ZNF407: variants seen among roughly 807,000 people sequenced by gnomAD.
ZNF407 encodes the protein zinc finger protein 407.
Under a neutral mutation model 131.2 loss-of-function variants are expected in ZNF407, and 17 were observed. The ratio of observed to expected loss-of-function variants is 0.13; its 90% CI spans 0.09 to 0.19. The LOEUF (loss-of-function observed/expected upper bound fraction) is 0.19. ZNF407 is among the 10% of genes least tolerant of loss of function. The pLI is 1.00. For synonymous variants in ZNF407, 1,156 were observed against 1,062.0 expected, an observed-to-expected ratio of 1.09 and a Z score of -1.72; for missense variants, 2,681 against 2,830.6, an observed-to-expected ratio of 0.95 and a Z score of 1.20.
intron 7 of ZNF407, among the ~76,000 whole-genome samples, chr18:74,891,028 G>A (rs748232198): frequency 1.3e-5 from 2 of 152,310 alleles, no homozygotes; most frequent in African/African-American, 4.8e-5. Context: ...TGGCGGCAGC[G>A]AAGCCTTCGT....
At chr18:74,929,169 A>G (rs977758147) in intron 8 of ZNF407, among the ~76,000 whole-genome samples, 1 of 152,140 alleles carries the variant, frequency 6.6e-6, no homozygotes, top group South Asian at 2.1e-4. Context: ...ACTTTTTTCC[A>G]GAAAAAAACT....
In ZNF407 at chr18:74,611,242, AT is replaced by A. The variant is rs1273724501; in HGVS notation, c.-54+13306del. Reference sequence around the variant, plus strand: ...GGTATAGGAAAGGGGTCTTAAAAAGATCACAGAGGGTGCAGACCATAAAGGA... The same window carrying A: ...GGTATAGGAAAGGGGTCTTAAAAAGACACAGAGGGTGCAGACCATAAAGGA... On this transcript the variant is annotated intron_variant, in intron 1 of 8. Transcript: ENST00000299687. Among the ~76,000 whole-genome samples, 5 of 152,258 alleles carry A rather than the reference AT, an allele frequency of 3.3e-5. No homozygotes were observed. In the East Asian group the frequency reaches 9.6e-4, roughly 29 times the overall value.
intron 8 of ZNF407, among the ~76,000 whole-genome samples, chr18:75,014,874 A>G (rs992081575): frequency 6.6e-6 from 1 of 152,140 alleles, no homozygotes; most frequent in Non-Finnish European, 1.5e-5. Context: ...CAACAATAAT[A>G]GCTATTCCAT....
Position 74,951,398 on chromosome 18 carries a change from A to G in ZNF407, c.5428+30706A>G, listed in dbSNP as rs112232558. Among the ~76,000 whole-genome samples the G allele has an allele frequency of 1.4e-3, 214 of 152,234 alleles. 2 individuals carry two copies. The highest frequency in any genetic ancestry group is 4.9e-3 in the African/African-American group (203 of 41,532). On this transcript the variant is annotated intron_variant, in intron 8 of 8. Coordinates refer to ENST00000299687, the MANE Select transcript of ZNF407 (RefSeq NM_017757.3). ...TTAAGTCAACATTGTCCCTCTGTTG[A>G]TTTGCCTAAACTGTTTTGCACAGAG...
chr18:74,854,718 G>GACAC (rs1970834986), intron 4 of ZNF407, among the ~76,000 whole-genome samples: 1 of 151,542 alleles, frequency 6.6e-6, no homozygotes, highest in South Asian at 2.1e-4. Context: ...GCACTACACA[G>GACAC]ACACACACAC....
intron 1 of ZNF407, among the ~76,000 whole-genome samples, chr18:74,620,728 C>T (rs1177790004): frequency 1.5e-4 from 23 of 152,130 alleles, no homozygotes; most frequent in African/African-American, 5.6e-4. Flanking sequence ...GGAGGTGGGA[C>T]TTGCTCAGGT....
chr18:74,789,365 G>GT (rs1447349838), intron 4 of ZNF407, among the ~76,000 whole-genome samples: 1 of 152,142 alleles, frequency 6.6e-6, no homozygotes, highest in East Asian at 1.9e-4. Context: ...TGCACACACG[G>GT]TTGGGGAGAG....
At position 74,631,699 on chromosome 18, in the gene ZNF407, G is replaced by T. The variant is rs780420064; in HGVS notation, c.680G>T (p.Ser227Ile). ...CCHCSHKAES[S>I]SALHMHIKQA... ...CACTGCAGCCACAAAGCAGAGAGCA[G>T]CTCAGCACTACATATGCATATCAAA... The change falls in exon 2 of 9, where the codon AGC becomes ATC. Residue 227 changes from serine to isoleucine, a missense_variant. Physicochemically the swap from Ser to Ile is moderately radical, Grantham distance 142. Around this residue, in one of 6 missense-constraint regions of ZNF407, gnomAD observed 1,789 missense variants for 1,748.7 expected, o/e 1.02. Coordinates refer to ENST00000299687, the MANE Select transcript of ZNF407 (RefSeq NM_017757.3). 59 of 1,613,868 alleles carry T rather than the reference G, an allele frequency of 3.7e-5. No homozygotes were observed. Among genetic ancestry groups the T allele is most frequent in the Non-Finnish European group, 4.8e-5 (57 of 1,179,914 alleles).
intron 8 of ZNF407, among the ~76,000 whole-genome samples, chr18:74,981,389 T>C (rs1407441945): frequency 6.6e-6 from 1 of 152,176 alleles, no homozygotes; most frequent in African/African-American, 2.4e-5. Flanking sequence ...TGCTCATAAC[T>C]CAATATCACT....
chr18:74,964,279 G>T (rs868120434), intron 8 of ZNF407, among the ~76,000 whole-genome samples: 1 of 152,120 alleles, frequency 6.6e-6, no homozygotes, highest in South Asian at 2.1e-4. Context: ...ATGTTATAGG[G>T]GTAGGTAGCA....
intron 3 of ZNF407, among the ~76,000 whole-genome samples, chr18:74,682,830 T>A (rs1488548629): frequency 6.6e-6 from 1 of 152,234 alleles, no homozygotes; most frequent in East Asian, 1.9e-4. Flanking sequence ...GGTGCACTTT[T>A]ATGCTGACAG....
intron 4 of ZNF407, among the ~76,000 whole-genome samples, chr18:74,860,843 A>G (rs1325582373): frequency 6.6e-6 from 1 of 152,174 alleles, no homozygotes; most frequent in African/African-American, 2.4e-5. Flanking sequence ...TCATTATAAG[A>G]CATGGCAGCT....
At chr18:74,729,523 T>C (rs555286891) in intron 3 of ZNF407, among the ~76,000 whole-genome samples, 1 of 152,190 alleles carries the variant, frequency 6.6e-6, no homozygotes, top group African/African-American at 2.4e-5. Flanking sequence ...TTGTCTTGCA[T>C]GTTCGTTGGT....
intron 3 of ZNF407, among the ~76,000 whole-genome samples, chr18:74,755,725 T>TTTCCTTCC (rs1179744326): frequency 9.3e-6 from 1 of 107,946 alleles, no homozygotes; most frequent in Non-Finnish European, 1.9e-5. Context: ...CTCTTCTTTC[T>TTTCCTTCC]TTCCTTTCTT....
intron 8 of ZNF407, among the ~76,000 whole-genome samples, chr18:74,926,587 G>C (rs574816227): frequency 6.6e-6 from 1 of 152,152 alleles, no homozygotes; most frequent in Non-Finnish European, 1.5e-5. Flanking sequence ...GCAATCACCT[G>C]ACGTCAGGAC....
chr18:74,781,137 T>C (rs1294443787), intron 3 of ZNF407, among the ~76,000 whole-genome samples: 1 of 152,166 alleles, frequency 6.6e-6, no homozygotes, highest in African/African-American at 2.4e-5. Context: ...GCTTCATCTT[T>C]CTTACCAACT....
intron 7 of ZNF407, among the ~76,000 whole-genome samples, chr18:74,918,779 T>A (rs1401396590): frequency 2.6e-5 from 4 of 151,922 alleles, no homozygotes; most frequent in Non-Finnish European, 4.4e-5. Context: ...TAAAACTTTA[T>A]ATTTGAAAAA....
At chr18:74,693,844 C>T (rs992614029) in intron 3 of ZNF407, among the ~76,000 whole-genome samples, 2 of 152,088 alleles carry the variant, frequency 1.3e-5, no homozygotes, top group Non-Finnish European at 2.9e-5. Context: ...TCTAGCCCTT[C>T]TCTTCTGGAA....
In ZNF407 at chr18:74,632,738, T is replaced by C. The variant is rs1383036023; in HGVS notation, c.1719T>C (p.Asp573=). ...CTAGTATGTCAAGAAGGGACTTAGA[T>C]GAACATTTGCACAGTAACCAGCATC... The part of the protein sequence containing the change: ...DFSSMSRRDL[D]EHLHSNQHQQ... Residue 573 remains aspartate, a synonymous_variant, in exon 2 of 9, where the codon GAT becomes GAC. Coordinates refer to ENST00000299687, the MANE Select transcript of ZNF407 (RefSeq NM_017757.3). 1.2e-6 allele frequency: 2 copies of C among 1,614,076 alleles called. No individual in the cohort carries two copies. The highest frequency in any genetic ancestry group is 1.7e-5 in the Admixed American group (1 of 60,030).
Sources: gnomAD v4.1 joint callset for allele counts (sites outside exome capture counted in the v4.1 genomes callset) on GRCh38, gnomAD v4.1.1 for gene constraint, gnomAD v4.1.1 regional missense constraint, MANE v1.5 for transcripts, NCBI Gene and HGNC (gene_info 2026-07-23, HGNC 2026-07-21) for gene names.